The following EBI3 variants were observed in gnomAD, a reference collection of about 807,000 sequenced individuals.
EBI3 encodes Epstein-Barr virus induced 3.
EBI3 carries 19 observed loss-of-function variants against 21.3 expected under a neutral mutation model. The observed-to-expected ratio is 0.89, with a 90% CI of 0.62 to 1.31. EBI3 has a LOEUF of 1.31. EBI3 is among the 50% of genes most tolerant of loss of function. The pLI is 0.00. For missense variants in EBI3, 331 were observed against 314.0 expected (o/e 1.05, Z -0.41); for synonymous variants, 154 against 131.2 (o/e 1.17, Z -1.19).
In EBI3 at chr19:4,229,536, G is replaced by C. The variant is rs1970762866; in HGVS notation, c.-15G>C. 6.2e-7 allele frequency: 1 copy of C among 1,607,796 alleles called. No individual in the cohort carries two copies. The highest frequency in any genetic ancestry group is 8.5e-7 in the Non-Finnish European group (1 of 1,177,406). ...ACGTTCCCACCCACTCCTGAGAGCA[G>C]AGCTGGCCGCAGCCATGACCCCGCA... is the stretch of plus-strand genomic sequence containing the variant. On this transcript the variant is annotated 5_prime_UTR_variant, in exon 1 of 5. Transcript: ENST00000221847.
chr19:4,229,699 G>A (rs1970765560), intron 1 of EBI3, 82 bp downstream of exon 1: 1 of 1,393,790 alleles, frequency 7.2e-7, no homozygotes, highest in East Asian at 2.6e-5. Context: ...GTCTGGGGTG[G>A]GAAATCACAT....
Position 4,237,341 on chromosome 19 carries a change from CTG to C in EBI3, c.*256_*257del. 1 of 326,024 alleles carries C rather than the reference CTG, an allele frequency of 3.1e-6. No individual in the cohort carries two copies. Among genetic ancestry groups the C allele is most frequent in the Non-Finnish European group, 5.5e-6 (1 of 181,854 alleles). 20.2% of individuals were successfully genotyped at this position (326,024 alleles called of 1,614,324 possible). Reference sequence around the variant, plus strand: ...CAGTGCAGGGCTGACTGAACTGTCACTGTGAGATATTTTTTATTGTTTAATTA... The same window carrying C: ...CAGTGCAGGGCTGACTGAACTGTCACTGAGATATTTTTTATTGTTTAATTA... On this transcript the variant is annotated 3_prime_UTR_variant, in exon 5 of 5. Transcript: ENST00000221847.
chr19:4,230,744 C>T (rs754160870), intron 1 of EBI3, among the ~76,000 whole-genome samples: 1 of 151,780 alleles, frequency 6.6e-6, no homozygotes, highest in African/African-American at 2.4e-5. Flanking sequence ...ATTAGCCAAG[C>T]GTGGCAGTAC....
intron 2 of EBI3, among the ~76,000 whole-genome samples, chr19:4,232,247 AAAAGAAAAG>A (rs1970791482): frequency 1.4e-5 from 1 of 70,918 alleles, no homozygotes; most frequent in African/African-American, 6.3e-5. Flanking sequence ...AAAAAAAAAG[AAAAGAAAAG>A]AAAAGAAAAG....
chr19:4,230,940 C>G (rs2144674208), intron 1 of EBI3, among the ~76,000 whole-genome samples: 1 of 152,136 alleles, frequency 6.6e-6, no homozygotes, highest in African/African-American at 2.4e-5. Flanking sequence ...ACCCGAGTTC[C>G]TCTCTGTAGA....
At position 4,234,654 on chromosome 19, in the gene EBI3, G is replaced by C; in HGVS notation, c.380-13G>C. On this transcript the variant is annotated splice_polypyrimidine_tract_variant and intron_variant, in intron 3 of 4. Coordinates refer to ENST00000221847, the MANE Select transcript of EBI3 (RefSeq NM_005755.3). Reference sequence around the variant, plus strand: ...TTACTGTCCCCTGACCCTGCTTCCTGCTTGTCCGTCAGTCAAGCCCGACCC... The same window carrying C: ...TTACTGTCCCCTGACCCTGCTTCCTCCTTGTCCGTCAGTCAAGCCCGACCC... 1.2e-6 allele frequency: 2 copies of C among 1,609,104 alleles called. No individual in the cohort carries two copies. The highest frequency in any genetic ancestry group is 1.7e-6 in the Non-Finnish European group (2 of 1,176,782).
Position 4,234,782 on chromosome 19 carries a change from C to T in EBI3, c.495C>T (p.Tyr165=). 1 of 1,614,138 alleles carries T rather than the reference C, an allele frequency of 6.2e-7. No homozygotes were observed. Residue 165 remains tyrosine (Y), a synonymous_variant, in exon 4 of 5, where the codon TAC becomes TAT. Coordinates refer to ENST00000221847, the MANE Select transcript of EBI3 (RefSeq NM_005755.3). Reference sequence around the variant, plus strand: ...TCCCAGAGATCTTCTCACTGAAGTACTGGATCCGTTACAAGCGTCAGGGAG... The same window carrying T: ...TCCCAGAGATCTTCTCACTGAAGTATTGGATCCGTTACAAGCGTCAGGGAG... ...WPFPEIFSLK[Y]WIRYKRQGAA... is the part of the protein sequence containing the mutation.
At chr19:4,236,023 A>G (rs1260750770) in intron 4 of EBI3, among the ~76,000 whole-genome samples, 1 of 152,168 alleles carries the variant, frequency 6.6e-6, no homozygotes, top group African/African-American at 2.4e-5. Context: ...CAAGGCAGGC[A>G]GATCACTTGA....
chr19:4,229,571 G>T lies in EBI3; in HGVS notation c.21G>T (p.Leu7=). The part of the protein sequence containing the change: MTPQLL[L]ALVLWASCPP... ...CAGCCATGACCCCGCAGCTTCTCCT[G>T]GCCCTTGTCCTCTGGGCCAGCTGCC... The change falls in exon 1 of 5, where the codon CTG becomes CTT. Residue 7 remains leucine, a synonymous_variant. Transcript: ENST00000221847. 6.2e-7 allele frequency: 1 copy of T among 1,611,452 alleles called. No individual in the cohort carries two copies. Among genetic ancestry groups the T allele is most frequent in the Non-Finnish European group, 8.5e-7 (1 of 1,179,046 alleles).
chr19:4,235,105 G>A (rs1029834850), intron 4 of EBI3, among the ~76,000 whole-genome samples: 3 of 152,076 alleles, frequency 2.0e-5, no homozygotes, highest in Admixed American at 1.3e-4. Context: ...TGCAAACTCC[G>A]CCTCCCAGGT....
In EBI3 at chr19:4,234,671, G is replaced by A. The variant is rs984213146; in HGVS notation, c.384G>A (p.Lys128=). 7.4e-6 allele frequency: 12 copies of A among 1,612,648 alleles called. No individual in the cohort carries two copies. Among genetic ancestry groups the A allele is most frequent in the Non-Finnish European group, 1.0e-5 (12 of 1,179,178 alleles). ...FVPFITEHII[K]PDPPEGVRLS... ...TGCTTCCTGCTTGTCCGTCAGTCAAGCCCGACCCTCCAGAAGGCGTGCGCC... is the reference window on the plus strand; with the variant it reads ...TGCTTCCTGCTTGTCCGTCAGTCAAACCCGACCCTCCAGAAGGCGTGCGCC... Residue 128 remains lysine, a synonymous_variant, in exon 4 of 5, where the codon AAG becomes AAA. Coordinates refer to ENST00000221847, the MANE Select transcript of EBI3 (RefSeq NM_005755.3).
chr19:4,230,056 T>C lies in EBI3; in HGVS notation c.67+439T>C, dbSNP rs985845592. On this transcript the variant is annotated intron_variant, in intron 1 of 4. Coordinates refer to ENST00000221847, the MANE Select transcript of EBI3 (RefSeq NM_005755.3). ...CTCCTCCCTCAGCCTCCCGAGTAGT[T>C]GGGATTACAGGTGCCCGCCACCATG... Among the ~76,000 whole-genome samples, 5 of 152,224 alleles carry C rather than the reference T, an allele frequency of 3.3e-5. No homozygotes were observed. In the South Asian group the frequency reaches 1.0e-3, roughly 32 times the overall value.
chr19:4,233,310 GAGTGGGGGCGGC>G lies in EBI3; in HGVS notation c.379+15_379+26del. On this transcript the variant is annotated splice_donor_5th_base_variant and intron_variant, in intron 3 of 4. Transcript: ENST00000221847. ...GCCTTTCATAACAGAGCACATCAGT[GAGTGGGGGCGGC>G]AGTGGGGGCGGGGGCGGGGCTGCCG... is the stretch of plus-strand genomic sequence containing the variant. 6.4e-7 allele frequency: 1 copy of G among 1,566,112 alleles called. No individual in the cohort carries two copies. Among genetic ancestry groups the G allele is most frequent in the Non-Finnish European group, 8.7e-7 (1 of 1,153,824 alleles).
In EBI3 at chr19:4,236,929, CT is replaced by C. The variant is rs1488660161; in HGVS notation, c.538-6del. Reference sequence around the variant, plus strand: ...TTCTAGTGACCTGACGCTCTCTCTTCTCTCAGGTGGGGCCCATTGAAGCCAC... The same window carrying C: ...TTCTAGTGACCTGACGCTCTCTCTTCCTCAGGTGGGGCCCATTGAAGCCAC... On this transcript the variant is annotated splice_region_variant and splice_polypyrimidine_tract_variant and intron_variant, in intron 4 of 4. Coordinates refer to ENST00000221847, the MANE Select transcript of EBI3 (RefSeq NM_005755.3). 6.7e-7 allele frequency: 1 copy of C among 1,490,520 alleles called. No individual in the cohort carries two copies. The highest frequency in any genetic ancestry group is 1.4e-5 in the South Asian group (1 of 73,950). The allele number at this position is 1,490,520 out of a possible 1,614,324, so 92.3% of individuals were successfully genotyped here.
At chr19:4,234,111 C>G (rs532833220) in intron 3 of EBI3, among the ~76,000 whole-genome samples, 14 of 152,290 alleles carry the variant, frequency 9.2e-5, no homozygotes, top group African/African-American at 3.4e-4. Flanking sequence ...GGGGCTGAGG[C>G]ACGAGAATCA....
Position 4,233,321 on chromosome 19 carries a change from G to A in EBI3, c.379+14G>A. On this transcript the variant is annotated intron_variant, in intron 3 of 4. Transcript: ENST00000221847. ...CAGAGCACATCAGTGAGTGGGGGCG[G>A]CAGTGGGGGCGGGGGCGGGGCTGCC... 6.4e-7 allele frequency: 1 copy of A among 1,564,340 alleles called. No homozygotes were observed. The highest frequency in any genetic ancestry group is 8.7e-7 in the Non-Finnish European group (1 of 1,155,044).
chr19:4,232,544 C>CA (rs1291965212), intron 2 of EBI3, among the ~76,000 whole-genome samples: 2 of 115,818 alleles, frequency 1.7e-5, no homozygotes, highest in South Asian at 4.4e-4. Context: ...ATACTGAGAC[C>CA]CCCCCCCATC....
intron 4 of EBI3, among the ~76,000 whole-genome samples, chr19:4,236,542 A>AAAAAAAAAAAC: frequency 6.7e-6 from 1 of 149,888 alleles, no homozygotes; most frequent in Non-Finnish European, 1.5e-5. Flanking sequence ...AAAAAAAAAA[A>AAAAAAAAAAAC]AGCATGGTTA....
chr19:4,235,405 C>T (rs1340900035), intron 4 of EBI3, among the ~76,000 whole-genome samples: 1 of 151,734 alleles, frequency 6.6e-6, no homozygotes, highest in East Asian at 1.9e-4. Context: ...CTGAAACCTC[C>T]GCCTCCCAGG....
Sources: allele counts gnomAD v4.1 joint callset (sites outside exome capture counted in the v4.1 genomes callset), GRCh38; gene constraint gnomAD v4.1.1; transcripts MANE v1.5; gene names NCBI Gene and HGNC (gene_info 2026-07-23, HGNC 2026-07-21).